Variants in BRINP3 observed in about 807,000 individuals in gnomAD.
BRINP3 encodes the protein BMP/retinoic acid inducible neural specific 3.
BRINP3 carries 19 observed loss-of-function variants against 71.0 expected under a neutral mutation model. That is an observed-to-expected ratio of 0.27 (90% CI 0.19 to 0.39). The LOEUF (loss-of-function observed/expected upper bound fraction) is 0.39, where lower values mean the gene tolerates loss of function less well. BRINP3 is among the 10% of genes least tolerant of loss of function. The pLI is 1.00. For synonymous variants in BRINP3, 380 were observed against 337.7 expected (o/e 1.13, Z -1.37); for missense variants, 959 against 940.8 (o/e 1.02, Z -0.25).
chr1:190,359,130 C>T (rs1001612848), intron 2 of BRINP3, among the ~76,000 whole-genome samples: 57 of 151,474 alleles, frequency 3.8e-4, no homozygotes, highest in African/African-American at 1.2e-3. Flanking sequence ...TTGCACATTG[C>T]GCACAGGTAC....
At chr1:190,424,974 G>A (rs1673609333) in intron 2 of BRINP3, among the ~76,000 whole-genome samples, 1 of 151,406 alleles carries the variant, frequency 6.6e-6, no homozygotes, top group South Asian at 2.1e-4. Context: ...TTAAAGGGAA[G>A]ATGAATAAGA....
intron 4 of BRINP3, among the ~76,000 whole-genome samples, chr1:190,263,286 C>T (rs1661352364): frequency 6.6e-6 from 1 of 152,082 alleles, no homozygotes; most frequent in African/African-American, 2.4e-5. Flanking sequence ...ATGCTGGCTA[C>T]ATTTTTATCT....
chr1:190,307,258 GTTTTTTTTTTT>G (rs71123082), intron 2 of BRINP3, among the ~76,000 whole-genome samples: 4 of 52,596 alleles, frequency 7.6e-5, no homozygotes, highest in African/African-American at 2.3e-4. Flanking sequence ...TTAAAACATT[GTTTTTTTTTTT>G]TTTTTTTTTT....
intron 2 of BRINP3, among the ~76,000 whole-genome samples, chr1:190,334,683 G>C (rs1264575072): frequency 6.6e-6 from 1 of 151,750 alleles, no homozygotes; most frequent in Non-Finnish European, 1.5e-5. Flanking sequence ...TGATTTGTCT[G>C]GGTGTTTAAA....
chr1:190,279,100 C>T lies in BRINP3; in HGVS notation c.427+2460G>A, dbSNP rs777117715. Among the ~76,000 whole-genome samples the T allele has an allele frequency of 4.0e-5, 6 of 151,588 alleles. No homozygotes were observed. The South Asian group carries it at 8.3e-4, about 21-fold the overall frequency. On this transcript the variant is annotated intron_variant, in intron 3 of 7. Coordinates refer to ENST00000367462, the MANE Select transcript of BRINP3 (RefSeq NM_199051.3). ...AAATACTTACAGGTGCTTTGAATCA[C>T]TTATATAATAATAATGAAGTATGTG...
At chr1:190,191,786 A>T (rs972483406) in intron 6 of BRINP3, among the ~76,000 whole-genome samples, 3 of 152,090 alleles carry the variant, frequency 2.0e-5, no homozygotes, top group Non-Finnish European at 4.4e-5. Flanking sequence ...CAGTGTCCTA[A>T]GGCATAATTT....
In BRINP3 at chr1:190,114,050, A is replaced by C. The variant is rs201512545; in HGVS notation, c.1185-14916T>G. On this transcript the variant is annotated intron_variant, in intron 7 of 7. Coordinates refer to ENST00000367462, the MANE Select transcript of BRINP3 (RefSeq NM_199051.3). ...CACCCAAATCTCATGTTGAAATGTT[A>C]TCCTCAGTGTTAGGGTTGGGGCCTG... Among the ~76,000 whole-genome samples, 10 of 152,262 alleles carry C rather than the reference A, an allele frequency of 6.6e-5. No homozygotes were observed. The East Asian group carries it at 1.9e-3, about 29-fold the overall frequency.
At chr1:190,199,001 T>C (rs906592181) in intron 6 of BRINP3, among the ~76,000 whole-genome samples, 2 of 145,822 alleles carry the variant, frequency 1.4e-5, no homozygotes, top group East Asian at 4.0e-4. Flanking sequence ...AGGGGCTTGA[T>C]GGATTCACAG....
intron 2 of BRINP3, among the ~76,000 whole-genome samples, chr1:190,396,300 C>G (rs553985283): frequency 8.6e-5 from 13 of 151,902 alleles, no homozygotes; most frequent in Admixed American, 4.6e-4. Flanking sequence ...AAATTAAACT[C>G]TAATGTTGTA....
At chr1:190,342,568 C>A (rs1667736375) in intron 2 of BRINP3, 1 of 148,166 alleles carries the variant, frequency 6.7e-6, no homozygotes, top group African/African-American at 2.5e-5. Flanking sequence ...TATATATTTC[C>A]AAGTAAGATG....
chr1:190,312,141 A>G (rs1175498875), intron 2 of BRINP3, among the ~76,000 whole-genome samples: 1 of 145,718 alleles, frequency 6.9e-6, no homozygotes, highest in African/African-American at 2.5e-5. Flanking sequence ...TATTGAAGTA[A>G]CTGGCAACAT....
intron 2 of BRINP3, among the ~76,000 whole-genome samples, chr1:190,320,424 T>A (rs1248865811): frequency 6.6e-6 from 1 of 152,144 alleles, no homozygotes; most frequent in Non-Finnish European, 1.5e-5. Flanking sequence ...CAATTACTAA[T>A]AGGAGATCCC....
chr1:190,452,762 C>G lies in BRINP3; in HGVS notation c.236+1893G>C, dbSNP rs544396900. Among the ~76,000 whole-genome samples the G allele has an allele frequency of 3.9e-5, 6 of 152,232 alleles. No homozygotes were observed. The East Asian group carries it at 1.2e-3, about 29-fold the overall frequency. ...ATCTAAGCTACTTGGGAGCCTGAGGCAGGAGAATCGCTTAAACCCAGGAGG... is the reference window on the plus strand; with the variant it reads ...ATCTAAGCTACTTGGGAGCCTGAGGGAGGAGAATCGCTTAAACCCAGGAGG... On this transcript the variant is annotated intron_variant, in intron 2 of 7. Transcript: ENST00000367462.
intron 6 of BRINP3, among the ~76,000 whole-genome samples, chr1:190,221,051 C>T (rs763053958): frequency 3.9e-5 from 6 of 152,076 alleles, no homozygotes; most frequent in Non-Finnish European, 7.4e-5. Flanking sequence ...AACCCTGTCT[C>T]TACTACAAAC....
intron 6 of BRINP3, among the ~76,000 whole-genome samples, chr1:190,209,813 T>A (rs1655826860): frequency 6.6e-6 from 1 of 152,168 alleles, no homozygotes. Flanking sequence ...GTCTTTATTT[T>A]TCAGTGCAAT....
At chr1:190,232,998 A>G (rs1416358050) in intron 5 of BRINP3, among the ~76,000 whole-genome samples, 1 of 152,202 alleles carries the variant, frequency 6.6e-6, no homozygotes, top group African/African-American at 2.4e-5. Context: ...TAACATTTAA[A>G]TTGTTAAAGT....
Position 190,331,979 on chromosome 1 carries a change from G to A in BRINP3, c.237-50229C>T, listed in dbSNP as rs113435353. The stretch of plus-strand genomic sequence containing the variant: ...ATATGGTTGTTATTATTATCTTTTC[G>A]TGCTTTTTATAATTATTAATACATT... On this transcript the variant is annotated intron_variant, in intron 2 of 7. Transcript: ENST00000367462. Among the ~76,000 whole-genome samples the A allele has an allele frequency of 1.4e-3, 215 of 151,680 alleles. 1 individual carries two copies. The highest frequency in any genetic ancestry group is 4.1e-3 in the African/African-American group (170 of 41,390).
intron 2 of BRINP3, among the ~76,000 whole-genome samples, chr1:190,370,608 A>T (rs906728240): frequency 1.3e-5 from 2 of 152,226 alleles, no homozygotes; most frequent in Non-Finnish European, 2.9e-5. Flanking sequence ...AACCAGACTT[A>T]TGCGAAAAGT....
intron 7 of BRINP3, among the ~76,000 whole-genome samples, chr1:190,121,491 A>G (rs940823062): frequency 2.6e-5 from 4 of 152,160 alleles, no homozygotes; most frequent in Admixed American, 1.3e-4. Context: ...TTTGCTAACA[A>G]TGTGCTATTG....
Sources: allele counts gnomAD v4.1 joint callset (sites outside exome capture counted in the v4.1 genomes callset), GRCh38; gene constraint gnomAD v4.1.1; transcripts MANE v1.5; gene names NCBI Gene and HGNC (gene_info 2026-07-23, HGNC 2026-07-21).